The following GIGYF2 variants were observed in gnomAD, a reference collection of about 807,000 sequenced individuals.
GIGYF2 encodes GRB10 interacting GYF protein 2.
A neutral mutation model predicts 208.1 loss-of-function variants in GIGYF2; 25 were observed. That is an observed-to-expected ratio of 0.12 (90% CI 0.09 to 0.17). The LOEUF (loss-of-function observed/expected upper bound fraction) is 0.17. GIGYF2 is among the 10% of genes least tolerant of loss of function. The pLI is 1.00. For synonymous variants in GIGYF2, 534 were observed against 543.8 expected (o/e 0.98, Z 0.25); for missense variants, 1,302 against 1,579.4 (o/e 0.82, Z 2.98).
In GIGYF2 at chr2:232,833,108, A is replaced by G. The variant is rs1701474636; in HGVS notation, c.2766+15A>G. The G allele has an allele frequency of 1.3e-6, 2 of 1,534,294 alleles. No individual in the cohort carries two copies. The highest frequency in any genetic ancestry group is 1.8e-6 in the Non-Finnish European group (2 of 1,131,424). On this transcript the variant is annotated intron_variant, in intron 22 of 28. Coordinates refer to ENST00000373563, the MANE Select transcript of GIGYF2 (RefSeq NM_001103146.3). The stretch of plus-strand genomic sequence containing the variant: ...CGCAGATGAAGGTAAAGCCCGAGGC[A>G]TCAACCTTAGGAGCTCCTTGCTAAC...
At chr2:232,730,870 C>CCTG (rs1414486698) in intron 2 of GIGYF2, among the ~76,000 whole-genome samples, 3 of 132,098 alleles carry the variant, frequency 2.3e-5, no homozygotes, top group African/African-American at 8.8e-5. Context: ...TGCACTCCAG[C>CCTG]CTGGGCGACA....
intron 3 of GIGYF2, among the ~76,000 whole-genome samples, chr2:232,739,368 C>CT (rs966653844): frequency 1.5e-5 from 2 of 135,720 alleles, no homozygotes; most frequent in Non-Finnish European, 3.2e-5. Context: ...CAAACCCCCC[C>CT]CCCCCCGCAA....
At position 232,791,556 on chromosome 2, in the gene GIGYF2, A is replaced by G. The variant is rs1700071099; in HGVS notation, c.1282+110A>G. 3 of 875,594 alleles carry G rather than the reference A, an allele frequency of 3.4e-6. No individual in the cohort carries two copies. In the African/African-American group the frequency reaches 5.0e-5, roughly 15 times the overall value. The allele number at this position is 875,594 out of a possible 1,614,324, so 54.2% of individuals were successfully genotyped here. On this transcript the variant is annotated intron_variant, in intron 12 of 28. Coordinates refer to ENST00000373563, the MANE Select transcript of GIGYF2 (RefSeq NM_001103146.3). The stretch of plus-strand genomic sequence containing the variant: ...TCCTAGAACTGCTTTTAGTGGGTGA[A>G]TTATCGGAATAGATTATTTTACCAG...
intron 6 of GIGYF2, 122 bp downstream of exon 6, chr2:232,756,456 A>T: frequency 1.7e-6 from 1 of 573,690 alleles, no homozygotes; most frequent in Admixed American, 3.4e-5. Flanking sequence ...TGCATACTAA[A>T]TGTCCTGAAT....
In GIGYF2 at chr2:232,844,544, C is replaced by T; in HGVS notation, c.3275C>T (p.Thr1092Ile). The change falls in exon 25 of 29, where the codon ACA (threonine) becomes ATA (isoleucine). Residue 1092 changes from threonine (T) to isoleucine (I), a missense_variant. Thr to Ile is a moderately conservative substitution (Grantham distance 89). Coordinates refer to ENST00000373563, the MANE Select transcript of GIGYF2 (RefSeq NM_001103146.3). The stretch of plus-strand genomic sequence containing the variant: ...AAAGAGGTGGGACCTAGGAATTCAA[C>T]AAATAAAAATAAAAACAACGCCAGT... ...AVKEVGPRNSTNKNKNNASLS... is the reference protein window; with the variant it reads ...AVKEVGPRNSINKNKNNASLS... 1 of 1,610,638 alleles carries T rather than the reference C, an allele frequency of 6.2e-7. No homozygotes were observed. Among genetic ancestry groups the T allele is most frequent in the Non-Finnish European group, 8.5e-7 (1 of 1,177,958 alleles).
chr2:232,733,851 A>T (rs1432799263), intron 2 of GIGYF2, among the ~76,000 whole-genome samples: 2 of 152,220 alleles, frequency 1.3e-5, no homozygotes, highest in Non-Finnish European at 2.9e-5. Flanking sequence ...CAAGGAAAAG[A>T]AGTGTCTATA....
intron 22 of GIGYF2, among the ~76,000 whole-genome samples, chr2:232,834,901 T>C (rs1358701329): frequency 6.6e-6 from 1 of 152,196 alleles, no homozygotes; most frequent in African/African-American, 2.4e-5. Flanking sequence ...TAATAGCATA[T>C]ATTGCACAGT....
At chr2:232,807,768 C>T (rs528855951) in intron 15 of GIGYF2, among the ~76,000 whole-genome samples, 81 of 152,182 alleles carry the variant, frequency 5.3e-4, no homozygotes, top group Non-Finnish European at 9.1e-4. Context: ...GATGGAGTCT[C>T]GCCATGTTGC....
At chr2:232,744,950 G>C (rs1483595883) in intron 3 of GIGYF2, among the ~76,000 whole-genome samples, 2 of 152,160 alleles carry the variant, frequency 1.3e-5, no homozygotes, top group East Asian at 3.8e-4. Context: ...TTGGGTTGTT[G>C]TGAAGGTTAA....
At chr2:232,788,177 A>G (rs1157591886) in intron 9 of GIGYF2, 1 of 153,782 alleles carries the variant, frequency 6.5e-6, no homozygotes, top group Non-Finnish European at 1.4e-5. Flanking sequence ...TGATAAGTAA[A>G]CTGTTTTCAC....
intron 27 of GIGYF2, among the ~76,000 whole-genome samples, chr2:232,848,242 C>G (rs1702083226): frequency 6.6e-6 from 1 of 152,070 alleles, no homozygotes; most frequent in Non-Finnish European, 1.5e-5. Flanking sequence ...TATTCGTGCC[C>G]AAATGAAGCT....
intron 8 of GIGYF2, among the ~76,000 whole-genome samples, chr2:232,762,984 T>G (rs1698807690): frequency 6.6e-6 from 1 of 151,410 alleles, no homozygotes. Context: ...ATCACACCAT[T>G]GCACTCTCTA....
At chr2:232,848,820 A>G (rs1176331140) in intron 27 of GIGYF2, among the ~76,000 whole-genome samples, 1 of 152,134 alleles carries the variant, frequency 6.6e-6, no homozygotes, top group Non-Finnish European at 1.5e-5. Flanking sequence ...TGCTCTGAGT[A>G]TGTGTATTTC....
chr2:232,768,889 T>C lies in GIGYF2; in HGVS notation c.532+7453T>C, dbSNP rs563659992. The C allele has an allele frequency of 9.4e-6, 12 of 1,271,644 alleles. No individual in the cohort carries two copies. In the East Asian group the frequency reaches 3.1e-4, roughly 32 times the overall value. The allele number at this position is 1,271,644 out of a possible 1,614,324, so 78.8% of individuals were successfully genotyped here. On this transcript the variant is annotated intron_variant, in intron 8 of 28. Transcript: ENST00000373563. ...ATACTTTTTCTGAATGACAAGTGTA[T>C]ATCAAATATTTACACATTTCTTGGT... is the stretch of plus-strand genomic sequence containing the variant.
At chr2:232,734,090 T>C (rs1697624727) in intron 2 of GIGYF2, among the ~76,000 whole-genome samples, 1 of 150,366 alleles carries the variant, frequency 6.7e-6, no homozygotes, top group African/African-American at 2.4e-5. Flanking sequence ...AATTTATATT[T>C]TATTTATTTA....
intron 8 of GIGYF2, among the ~76,000 whole-genome samples, chr2:232,786,293 A>G (rs1328793730): frequency 6.6e-6 from 1 of 152,094 alleles, no homozygotes; most frequent in African/African-American, 2.4e-5. Flanking sequence ...GCTGGAGTAC[A>G]GTGTCGCGAT....
At chr2:232,836,295 T>A (rs12988271) in intron 22 of GIGYF2, among the ~76,000 whole-genome samples, 4 of 31,892 alleles carry the variant, frequency 1.3e-4, no homozygotes, top group African/African-American at 5.5e-4. Flanking sequence ...TATATATATA[T>A]ATATATATAT....
chr2:232,811,413 A>G, intron 17 of GIGYF2, 62 bp downstream of exon 17: 1 of 1,000,378 alleles, frequency 1.0e-6, no homozygotes, highest in South Asian at 1.3e-5. Context: ...AAGAGAAGAA[A>G]GGAGAAATTC....
At position 232,806,775 on chromosome 2, in the gene GIGYF2, G is replaced by A. The variant is rs1036374251; in HGVS notation, c.1806+118G>A. 1.2e-6 allele frequency: 1 copy of A among 823,022 alleles called. No individual in the cohort carries two copies. The highest frequency in any genetic ancestry group is 1.7e-5 in the Admixed American group (1 of 57,540). The allele number at this position is 823,022 out of a possible 1,614,324, so 51.0% of individuals were successfully genotyped here. A position where few individuals can be genotyped will look rare whatever the true frequency, so the allele number is the denominator to read the frequency against. On this transcript the variant is annotated intron_variant, in intron 15 of 28. Coordinates refer to ENST00000373563, the MANE Select transcript of GIGYF2 (RefSeq NM_001103146.3). The surrounding 1 kb of genome is among the most constrained non-coding windows in gnomAD (Gnocchi z 4.0). The stretch of plus-strand genomic sequence containing the variant: ...GGAATTGTAGTTCTTTGAAATTAAT[G>A]GAAATGGTAAGGGAAAGTCTGAATG...
Sources: allele counts gnomAD v4.1 joint callset (sites outside exome capture counted in the v4.1 genomes callset), GRCh38; gene constraint gnomAD v4.1.1; non-coding constraint Gnocchi (gnomAD v3.1); transcripts MANE v1.5; gene names NCBI Gene and HGNC (gene_info 2026-07-23, HGNC 2026-07-21).